The following LHFPL2 variants were observed in gnomAD, a reference collection of about 807,000 sequenced individuals.
LHFPL2 encodes LHFPL tetraspan subfamily member 2.
A neutral mutation model predicts 17.5 loss-of-function variants in LHFPL2; 7 were observed. That is an observed-to-expected ratio of 0.40 (90% confidence interval 0.23 to 0.75). The LOEUF (loss-of-function observed/expected upper bound fraction) is 0.75. LHFPL2 is among the 30% of genes least tolerant of loss of function. LHFPL2 has a pLI of 0.37. For synonymous variants in LHFPL2, 134 were observed against 116.2 expected (o/e 1.15, Z -0.99); for missense variants, 241 against 294.8 (o/e 0.82, Z 1.34).
intron 2 of LHFPL2, among the ~76,000 whole-genome samples, chr5:78,576,097 C>T (rs1757125936): frequency 6.6e-6 from 1 of 152,128 alleles, no homozygotes; most frequent in African/African-American, 2.4e-5. Flanking sequence ...ATATCGAGAC[C>T]ATCCTGGCTA....
intron 2 of LHFPL2, among the ~76,000 whole-genome samples, chr5:78,606,494 C>T (rs1052905207): frequency 1.2e-4 from 19 of 152,144 alleles, no homozygotes; most frequent in African/African-American, 4.6e-4. Flanking sequence ...ACTAATGGAA[C>T]AGTTTATTAA....
At chr5:78,606,109 G>A (rs1580851656) in intron 2 of LHFPL2, among the ~76,000 whole-genome samples, 1 of 152,318 alleles carries the variant, frequency 6.6e-6, no homozygotes, top group East Asian at 1.9e-4. Flanking sequence ...CTTAGGCAAC[G>A]TGCTCCTGGG....
intron 2 of LHFPL2, among the ~76,000 whole-genome samples, chr5:78,597,128 G>A (rs977022730): frequency 2.0e-5 from 3 of 152,204 alleles, no homozygotes; most frequent in Non-Finnish European, 4.4e-5. Context: ...CACCCTAGGA[G>A]AGTAAGGTCT....
intron 3 of LHFPL2, among the ~76,000 whole-genome samples, chr5:78,518,592 A>G (rs1385618474): frequency 6.6e-6 from 1 of 152,188 alleles, no homozygotes; most frequent in African/African-American, 2.4e-5. Flanking sequence ...GTACTTTTGA[A>G]TACAGAACGA....
intron 4 of LHFPL2, among the ~76,000 whole-genome samples, chr5:78,493,175 A>G (rs1351343112): frequency 6.6e-6 from 1 of 152,234 alleles, no homozygotes; most frequent in Non-Finnish European, 1.5e-5. Context: ...CAGCAAGATC[A>G]GTGACTTGGG....
chr5:78,616,657 A>G (rs113073463), intron 2 of LHFPL2, among the ~76,000 whole-genome samples: 7,532 of 152,258 alleles, frequency 0.049, 649 homozygotes, highest in African/African-American at 0.17. Context: ...AAGGACATGC[A>G]ATTGTCACTG....
chr5:78,512,674 T>C lies in LHFPL2; in HGVS notation c.-185-2276A>G, dbSNP rs1286669232. 1.3e-5 allele frequency among the ~76,000 whole-genome samples: 2 copies of C among 151,960 alleles called. 1 individual carries two copies. The highest frequency in any genetic ancestry group is 2.9e-5 in the Non-Finnish European group (2 of 67,982). ...GTGGCAAGCCCAGCCTGTTGAGAGCTATAAAGCCTTCCCATTTGATTAGAA... is the reference window on the plus strand; with the variant it reads ...GTGGCAAGCCCAGCCTGTTGAGAGCCATAAAGCCTTCCCATTTGATTAGAA... On this transcript the variant is annotated intron_variant, in intron 3 of 4. Transcript: ENST00000380345.
intron 3 of LHFPL2, among the ~76,000 whole-genome samples, chr5:78,516,917 C>T (rs1755309532): frequency 6.6e-6 from 1 of 152,140 alleles, no homozygotes; most frequent in Middle Eastern, 3.2e-3. Context: ...AATGGGGCTC[C>T]CCATTCATTA....
At chr5:78,635,875 T>C (rs1403705491) in intron 1 of LHFPL2, among the ~76,000 whole-genome samples, 1 of 152,112 alleles carries the variant, frequency 6.6e-6, no homozygotes, top group African/African-American at 2.4e-5. Context: ...ACAATTATGG[T>C]GTTTAGTCTT....
chr5:78,595,361 G>A (rs546022339), intron 2 of LHFPL2, among the ~76,000 whole-genome samples: 209 of 152,294 alleles, frequency 1.4e-3, no homozygotes, highest in African/African-American at 4.8e-3. Flanking sequence ...TTTAAGCCAC[G>A]TCAGTGCTTA....
chr5:78,571,869 T>C (rs2112426921), intron 2 of LHFPL2, among the ~76,000 whole-genome samples: 1 of 152,346 alleles, frequency 6.6e-6, no homozygotes, highest in East Asian at 1.9e-4. Flanking sequence ...TTTAAGTTAG[T>C]TGTCTATCCA....
intron 2 of LHFPL2, among the ~76,000 whole-genome samples, chr5:78,581,977 T>A (rs951640257): frequency 1.3e-5 from 2 of 152,362 alleles, no homozygotes; most frequent in African/African-American, 4.8e-5. Context: ...ATCCTGTTAT[T>A]GGTCTATTCA....
intron 3 of LHFPL2, among the ~76,000 whole-genome samples, chr5:78,564,306 C>T (rs1756804173): frequency 6.6e-6 from 1 of 152,132 alleles, no homozygotes; most frequent in Non-Finnish European, 1.5e-5. Flanking sequence ...CAAAAAGTGA[C>T]CTTTATAAAT....
chr5:78,557,273 C>A (rs62378932), intron 3 of LHFPL2, among the ~76,000 whole-genome samples: 19 of 152,198 alleles, frequency 1.2e-4, no homozygotes, highest in Non-Finnish European at 2.8e-4. Flanking sequence ...ACTTTCTCTG[C>A]AACCATTCTT....
intron 2 of LHFPL2, among the ~76,000 whole-genome samples, chr5:78,576,524 G>A (rs1757141898): frequency 6.6e-6 from 1 of 152,094 alleles, no homozygotes. Flanking sequence ...GTCTCTTTAA[G>A]GGCAGTGGAG....
chr5:78,571,829 G>A (rs928693808), intron 2 of LHFPL2, among the ~76,000 whole-genome samples: 1 of 152,228 alleles, frequency 6.6e-6, no homozygotes, highest in Non-Finnish European at 1.5e-5. Context: ...GAAATGTCTA[G>A]CTAGGTAAGT....
chr5:78,548,053 C>A (rs6886783), intron 3 of LHFPL2, among the ~76,000 whole-genome samples: 1 of 152,134 alleles, frequency 6.6e-6, no homozygotes, highest in East Asian at 1.9e-4. Flanking sequence ...CAGGCCGAGA[C>A]GGAGGAAGAG....
In LHFPL2 at chr5:78,485,885, T is replaced by G. The variant is rs917564251; in HGVS notation, c.*3012A>C. ...GAAAAAATGATTTCATACCAGTCTT[T>G]TCTTCACATAAGATTTGTGTAGCAT... On this transcript the variant is annotated 3_prime_UTR_variant, in exon 5 of 5. Coordinates refer to ENST00000380345, the MANE Select transcript of LHFPL2 (RefSeq NM_005779.3). 1 of 152,662 alleles carries G rather than the reference T, an allele frequency of 6.6e-6. No homozygotes were observed. Among genetic ancestry groups the G allele is most frequent in the African/African-American group, 2.4e-5 (1 of 41,452 alleles). 9.5% of individuals were successfully genotyped at this position (152,662 alleles called of 1,614,324 possible). A position where few individuals can be genotyped will look rare whatever the true frequency, so the allele number is the denominator to read the frequency against.
rs914931560 is a variant in LHFPL2, at chr5:78,584,958, T to C, written c.-244-20087A>G. 3.4e-5 allele frequency among the ~76,000 whole-genome samples: 5 copies of C among 149,014 alleles called. No homozygotes were observed. In the East Asian group the frequency reaches 7.9e-4, roughly 24 times the overall value. On this transcript the variant is annotated intron_variant, in intron 2 of 4. Coordinates refer to ENST00000380345, the MANE Select transcript of LHFPL2 (RefSeq NM_005779.3). ...GAGACTCCGTGGGCGTAGGAACCTC[T>C]GAGCCAGGTGCGGGATATAATCTCC...
Sources: allele counts gnomAD v4.1 joint callset (sites outside exome capture counted in the v4.1 genomes callset), GRCh38; gene constraint gnomAD v4.1.1; transcripts MANE v1.5; gene names NCBI Gene and HGNC (gene_info 2026-07-23, HGNC 2026-07-21).